DGKI: variants seen among roughly 807,000 people sequenced by gnomAD.
DGKI encodes diacylglycerol kinase iota.
In DGKI, 55 loss-of-function variants were observed where a neutral mutation model predicts 147.5. That is an observed-to-expected ratio of 0.37 (90% CI 0.30 to 0.47). The LOEUF is 0.47. Ranked by LOEUF, DGKI falls within the 20% of genes least tolerant of loss-of-function variation. DGKI has a pLI of 1.00. For synonymous variants in DGKI, 469 were observed against 477.1 expected (o/e 0.98, Z 0.22); for missense variants, 1,007 against 1,323.8 (o/e 0.76, Z 3.71).
intron 1 of DGKI, among the ~76,000 whole-genome samples, chr7:137,756,043 T>G (rs765817980): frequency 9.2e-5 from 14 of 152,212 alleles, no homozygotes; most frequent in Non-Finnish European, 1.6e-4. Context: ...CAAAATAAGT[T>G]CTTCCTTATG....
At chr7:137,460,359 T>C (rs377214688) in intron 27 of DGKI, among the ~76,000 whole-genome samples, 1 of 152,332 alleles carries the variant, frequency 6.6e-6, no homozygotes, top group African/African-American at 2.4e-5. Flanking sequence ...AGAGAAACAA[T>C]TTATAGCATA....
At chr7:137,731,543 G>A (rs556755611) in intron 1 of DGKI, among the ~76,000 whole-genome samples, 79 of 152,090 alleles carry the variant, frequency 5.2e-4, no homozygotes, top group African/African-American at 1.5e-3. Context: ...ACCACCATAC[G>A]TAGTAAACCT....
intron 21 of DGKI, among the ~76,000 whole-genome samples, chr7:137,514,153 A>G (rs1232106917): frequency 6.6e-6 from 1 of 152,134 alleles, no homozygotes; most frequent in East Asian, 1.9e-4. Flanking sequence ...GACCTGTGAC[A>G]TTCTGGACTA....
rs1371531545 is a variant in DGKI, at chr7:137,613,570, TAAG to T, written c.994-3964_994-3962del. ...TACATTTCATGGGTTCCCAGTATTT[TAAG>T]AAGATTATCTAACCAGAAGAGATAA... On this transcript the variant is annotated intron_variant, in intron 8 of 32. Coordinates refer to ENST00000614521, the MANE Select transcript of DGKI (RefSeq NM_001321708.2). Among the ~76,000 whole-genome samples the T allele has an allele frequency of 3.3e-5, 5 of 152,056 alleles. No individual in the cohort carries two copies. In the South Asian group the frequency reaches 1.0e-3, roughly 32 times the overall value.
intron 6 of DGKI, among the ~76,000 whole-genome samples, chr7:137,627,297 T>C (rs904047888): frequency 1.3e-5 from 2 of 152,232 alleles, no homozygotes; most frequent in Middle Eastern, 3.2e-3. Flanking sequence ...CCTATGTGGC[T>C]GGTTATTTTG....
At chr7:137,650,966 C>G (rs1822005112) in intron 5 of DGKI, among the ~76,000 whole-genome samples, 1 of 152,214 alleles carries the variant, frequency 6.6e-6, no homozygotes, top group African/African-American at 2.4e-5. Flanking sequence ...AAAGAAAGTT[C>G]ATGTGGGAGC....
chr7:137,647,890 C>T (rs920398866), intron 5 of DGKI, among the ~76,000 whole-genome samples: 1 of 152,190 alleles, frequency 6.6e-6, no homozygotes, highest in Non-Finnish European at 1.5e-5. Flanking sequence ...GAATGGTCAA[C>T]ATCATTCTCA....
chr7:137,519,338 C>T (rs891096662), intron 21 of DGKI, among the ~76,000 whole-genome samples: 1 of 151,960 alleles, frequency 6.6e-6, no homozygotes, highest in Admixed American at 6.6e-5. Context: ...TGTTATCTAA[C>T]GGGAACAATG....
At position 137,389,875 on chromosome 7, in the gene DGKI, C is replaced by T. The variant is rs1811294738; in HGVS notation, c.*1345G>A. 1.3e-5 allele frequency: 2 copies of T among 152,114 alleles called. No homozygotes were observed. Among genetic ancestry groups the T allele is most frequent in the Non-Finnish European group, 2.9e-5 (2 of 68,024 alleles). 9.4% of individuals were successfully genotyped at this position (152,114 alleles called of 1,614,324 possible). ...AGATAAAATAATATATTAGACTACC[C>T]CATACATAGAAAATGGGGTTATTAA... On this transcript the variant is annotated 3_prime_UTR_variant, in exon 33 of 33. Coordinates refer to ENST00000614521, the MANE Select transcript of DGKI (RefSeq NM_001321708.2).
chr7:137,560,379 GA>G (rs888264274), intron 19 of DGKI, among the ~76,000 whole-genome samples: 33 of 152,076 alleles, frequency 2.2e-4, no homozygotes, highest in African/African-American at 7.2e-4. Context: ...AGGGAGAATT[GA>G]GCATAAAATA....
At chr7:137,407,756 A>T in intron 30 of DGKI, 119 bp downstream of exon 30, 1 of 1,346,050 alleles carries the variant, frequency 7.4e-7, no homozygotes, top group Non-Finnish European at 1.0e-6. Context: ...GTCTGCTAAA[A>T]GTTCGAGAGT....
At chr7:137,624,194 T>A (rs1820852387) in intron 6 of DGKI, among the ~76,000 whole-genome samples, 1 of 152,220 alleles carries the variant, frequency 6.6e-6, no homozygotes. Context: ...TACTTTTCCA[T>A]CCAGAACAGA....
chr7:137,562,168 C>T (rs1334227118), intron 19 of DGKI, among the ~76,000 whole-genome samples: 1 of 152,116 alleles, frequency 6.6e-6, no homozygotes, highest in Non-Finnish European at 1.5e-5. Context: ...TTAAAAGTAA[C>T]AATTGTTCAA....
intron 21 of DGKI, among the ~76,000 whole-genome samples, chr7:137,502,500 G>C (rs1326998896): frequency 6.6e-6 from 1 of 151,722 alleles, no homozygotes; most frequent in Non-Finnish European, 1.5e-5. Flanking sequence ...AGAAAATGGA[G>C]GAAAAAGAGA....
intron 21 of DGKI, among the ~76,000 whole-genome samples, chr7:137,510,767 T>C (rs1453000199): frequency 6.6e-6 from 1 of 152,192 alleles, no homozygotes; most frequent in Non-Finnish European, 1.5e-5. Context: ...GTTGATTAGA[T>C]ACATGTGAAG....
intron 2 of DGKI, among the ~76,000 whole-genome samples, chr7:137,687,230 T>A (rs892828830): frequency 6.6e-6 from 1 of 152,186 alleles, no homozygotes; most frequent in African/African-American, 2.4e-5. Flanking sequence ...CTCTACCTTA[T>A]CAAAGGCAAG....
At chr7:137,394,615 C>T (rs1259447875) in intron 32 of DGKI, among the ~76,000 whole-genome samples, 5 of 152,198 alleles carry the variant, frequency 3.3e-5, no homozygotes, top group Admixed American at 6.5e-5. Flanking sequence ...CCTAAGGCCT[C>T]ACCTCCGCCA....
intron 20 of DGKI, among the ~76,000 whole-genome samples, chr7:137,530,157 T>C (rs1817290356): frequency 1.3e-5 from 2 of 152,176 alleles, no homozygotes; most frequent in African/African-American, 2.4e-5. Context: ...CTATACAATA[T>C]TGTTACTTTC....
At chr7:137,600,221 C>T (rs1446148828) in intron 10 of DGKI, among the ~76,000 whole-genome samples, 1 of 151,950 alleles carries the variant, frequency 6.6e-6, no homozygotes, top group East Asian at 1.9e-4. Context: ...TGCACTCCAG[C>T]CTGAGTGACA....
Sources: gnomAD v4.1 joint callset for allele counts (sites outside exome capture counted in the v4.1 genomes callset) on GRCh38, gnomAD v4.1.1 for gene constraint, MANE v1.5 for transcripts, NCBI Gene and HGNC (gene_info 2026-07-23, HGNC 2026-07-21) for gene names.